The following FNDC3A variants were observed in gnomAD, a reference collection of about 807,000 sequenced individuals.
FNDC3A encodes fibronectin type III domain containing 3A, also known as fibronectin type-III domain-containing protein 3A.
Under a neutral mutation model 148.9 loss-of-function variants are expected in FNDC3A, and 32 were observed. That is an observed-to-expected ratio of 0.21 (90% CI 0.16 to 0.29). The LOEUF (loss-of-function observed/expected upper bound fraction) is 0.29. Among genes scored for constraint, FNDC3A ranks in the 10% least tolerant of loss-of-function variants. The probability of loss-of-function intolerance (pLI) is 1.00; values close to 1 mark genes in which losing one functional copy is unlikely to be tolerated. For missense variants in FNDC3A, 1,191 were observed against 1,452.8 expected, an observed-to-expected ratio of 0.82 and a Z score of 2.93; for synonymous variants, 472 against 473.6, an observed-to-expected ratio of 1.00 and a Z score of 0.04.
At chr13:49,048,750 TATC>T (rs1875607472) in intron 2 of FNDC3A, among the ~76,000 whole-genome samples, 2 of 152,164 alleles carry the variant, frequency 1.3e-5, no homozygotes, top group East Asian at 3.9e-4. Flanking sequence ...TATATGATCA[TATC>T]ATCAGCAAAC....
chr13:49,143,813 C>G (rs1317170396), intron 7 of FNDC3A, among the ~76,000 whole-genome samples: 1 of 152,058 alleles, frequency 6.6e-6, no homozygotes, highest in African/African-American at 2.4e-5. Flanking sequence ...TCTCTACTGT[C>G]TGTACTCCCC....
intron 2 of FNDC3A, among the ~76,000 whole-genome samples, chr13:49,068,932 T>A: frequency 6.6e-6 from 1 of 150,970 alleles, no homozygotes; most frequent in Admixed American, 6.6e-5. Context: ...CGAAGAGGAG[T>A]AGGAAAAAAT....
At chr13:48,982,349 TA>T in intron 1 of FNDC3A, among the ~76,000 whole-genome samples, 1 of 152,214 alleles carries the variant, frequency 6.6e-6, no homozygotes, top group Middle Eastern at 3.4e-3. Context: ...AATATATACC[TA>T]AAAAAAATTT....
intron 8 of FNDC3A, among the ~76,000 whole-genome samples, chr13:49,157,658 A>C (rs1305286031): frequency 6.8e-6 from 1 of 147,534 alleles, no homozygotes; most frequent in Non-Finnish European, 1.5e-5. Flanking sequence ...GGTTTTATCT[A>C]CTTTTGGTCT....
intron 4 of FNDC3A, among the ~76,000 whole-genome samples, chr13:49,124,614 T>C (rs1881577409): frequency 6.6e-6 from 1 of 152,194 alleles, no homozygotes; most frequent in Non-Finnish European, 1.5e-5. Context: ...TGGGGCCTGC[T>C]TGGTCCTTAT....
At chr13:49,016,766 G>C (rs1001198049) in intron 2 of FNDC3A, among the ~76,000 whole-genome samples, 20 of 151,978 alleles carry the variant, frequency 1.3e-4, no homozygotes, top group African/African-American at 4.6e-4. Flanking sequence ...TCTACACACT[G>C]CTTTGAATGC....
intron 3 of FNDC3A, among the ~76,000 whole-genome samples, chr13:49,084,845 G>T (rs1426522276): frequency 6.6e-6 from 1 of 152,046 alleles, no homozygotes; most frequent in Non-Finnish European, 1.5e-5. Flanking sequence ...TGCTGGTATG[G>T]CTTTTTCTGC....
rs555456850 is a variant in FNDC3A at position 49,150,290 on chromosome 13, A to T, written c.977+4355A>T. ...CTGGCTGTCTGCTCTGATCTTTATT[A>T]TTTCTTCCACTAATTTTGGATTTGG... On this transcript the variant is annotated intron_variant, in intron 8 of 25. Coordinates refer to ENST00000492622, the MANE Select transcript of FNDC3A (RefSeq NM_001079673.2). Among the ~76,000 whole-genome samples, 21 of 150,912 alleles carry T rather than the reference A, an allele frequency of 1.4e-4. No individual in the cohort carries two copies. In the South Asian group the frequency reaches 4.4e-3, roughly 32 times the overall value.
chr13:49,032,806 A>G (rs1348377571), intron 2 of FNDC3A, among the ~76,000 whole-genome samples: 1 of 152,110 alleles, frequency 6.6e-6, no homozygotes, highest in Non-Finnish European at 1.5e-5. Context: ...TGTGGTAGTG[A>G]TTGTACAGTT....
chr13:49,064,340 C>CA lies in FNDC3A; in HGVS notation c.100-10940dup, dbSNP rs1265809239. ...TGGGCAACAGAGCAAGACTCCGTCT[C>CA]AAAAAAAAAGTAGTCTGTGGAAAAA... On this transcript the variant is annotated intron_variant, in intron 2 of 25. Transcript: ENST00000492622. Among the ~76,000 whole-genome samples the CA allele has an allele frequency of 2.2e-3, 299 of 134,742 alleles. 2 individuals are homozygous for CA. Among genetic ancestry groups the CA allele is most frequent in the African/African-American group, 7.6e-3 (276 of 36,526 alleles). The allele number at this position is 134,742 out of a possible 152,430, so 88.4% of individuals were successfully genotyped here. A position where few individuals can be genotyped will look rare whatever the true frequency, so the allele number is the denominator to read the frequency against.
At chr13:49,156,721 G>A (rs1883717014) in intron 8 of FNDC3A, among the ~76,000 whole-genome samples, 2 of 148,642 alleles carry the variant, frequency 1.3e-5, no homozygotes, top group Admixed American at 6.8e-5. Flanking sequence ...GCCTGGTGGT[G>A]ACAAAATCTC....
At chr13:49,064,068 C>T (rs1207246964) in intron 2 of FNDC3A, among the ~76,000 whole-genome samples, 10 of 152,086 alleles carry the variant, frequency 6.6e-5, no homozygotes, top group African/African-American at 2.2e-4. Context: ...GGAGGCCAGG[C>T]GTGGTGGCTC....
At chr13:49,070,962 C>T (rs901123449) in intron 2 of FNDC3A, among the ~76,000 whole-genome samples, 1 of 147,036 alleles carries the variant, frequency 6.8e-6, no homozygotes, top group Admixed American at 6.9e-5. Flanking sequence ...GCAGTGGTGC[C>T]ATCGTAGCTC....
At chr13:48,996,783 A>G (rs949738367) in intron 1 of FNDC3A, among the ~76,000 whole-genome samples, 2 of 152,054 alleles carry the variant, frequency 1.3e-5, no homozygotes, top group Non-Finnish European at 2.9e-5. Flanking sequence ...GGATTTCGGC[A>G]GGGCATGGTG....
intron 3 of FNDC3A, among the ~76,000 whole-genome samples, chr13:49,084,716 CTCG>C (rs945748451): frequency 6.6e-6 from 1 of 152,014 alleles, no homozygotes; most frequent in African/African-American, 2.4e-5. Flanking sequence ...GATTGTGAAC[CTCG>C]TCACCTACTA....
At chr13:49,036,063 T>A (rs895430352) in intron 2 of FNDC3A, among the ~76,000 whole-genome samples, 1 of 152,168 alleles carries the variant, frequency 6.6e-6, no homozygotes, top group Non-Finnish European at 1.5e-5. Context: ...AATAGCACTT[T>A]AATGTATAAT....
At chr13:49,048,781 C>G (rs1875610298) in intron 2 of FNDC3A, among the ~76,000 whole-genome samples, 1 of 152,074 alleles carries the variant, frequency 6.6e-6, no homozygotes. Context: ...TTTTGACTTC[C>G]TCTTCACCAA....
At chr13:49,106,773 C>CAAAAAAAAAAAAAAAAAAAAAAAAAAA (rs543962565) in intron 3 of FNDC3A, among the ~76,000 whole-genome samples, 8 of 79,868 alleles carry the variant, frequency 1.0e-4, no homozygotes, top group Non-Finnish European at 1.6e-4. Context: ...TGAATGAAAG[C>CAAAAAAAAAAAAAAAAAAAAAAAAAAA]AAAAAAAAAA....
At chr13:48,993,111 G>A (rs1176471495) in intron 1 of FNDC3A, among the ~76,000 whole-genome samples, 1 of 152,148 alleles carries the variant, frequency 6.6e-6, no homozygotes, top group East Asian at 1.9e-4. Context: ...CCTTAGATCA[G>A]TATTTTTATC....
Sources: gnomAD v4.1 joint callset for allele counts (sites outside exome capture counted in the v4.1 genomes callset) on GRCh38, gnomAD v4.1.1 for gene constraint, MANE v1.5 for transcripts, NCBI Gene and HGNC (gene_info 2026-07-23, HGNC 2026-07-21) for gene names.